Variants in METTL15 observed in about 807,000 individuals in gnomAD.
The protein encoded by METTL15 is methyltransferase 15, mitochondrial 12S rRNA N4-cytidine.
In METTL15, 34 loss-of-function variants were observed where a neutral mutation model predicts 38.3. That is an observed-to-expected ratio of 0.89 (90% CI 0.68 to 1.18). The LOEUF is 1.18. Ranked by LOEUF, METTL15 falls within the 50% of genes most tolerant of loss-of-function variation. The probability of loss-of-function intolerance (pLI) is 0.00; values close to 1 mark genes in which losing one functional copy is unlikely to be tolerated. For synonymous variants in METTL15, 162 were observed against 170.9 expected (o/e 0.95, Z 0.41); for missense variants, 438 against 498.4 (o/e 0.88, Z 1.15).
intron 3 of METTL15, among the ~76,000 whole-genome samples, chr11:28,201,943 G>A (rs1852131990): frequency 6.6e-6 from 1 of 152,102 alleles, no homozygotes; most frequent in Non-Finnish European, 1.5e-5. Context: ...TCATTTTTGA[G>A]AGTAGTGGGA....
At chr11:28,237,485 T>C (rs1042735368) in intron 4 of METTL15, among the ~76,000 whole-genome samples, 1 of 152,212 alleles carries the variant, frequency 6.6e-6, no homozygotes, top group Non-Finnish European at 1.5e-5. Context: ...GTATTGGTTA[T>C]TCTAGTTATA....
At chr11:28,238,974 A>G (rs755608332) in intron 4 of METTL15, among the ~76,000 whole-genome samples, 1 of 150,978 alleles carries the variant, frequency 6.6e-6, no homozygotes, top group Non-Finnish European at 1.5e-5. Flanking sequence ...TTTTTTTCCT[A>G]TCTGTACTGT....
intron 6 of METTL15, among the ~76,000 whole-genome samples, chr11:28,439,111 G>A (rs1448513453): frequency 6.6e-6 from 1 of 151,910 alleles, no homozygotes; most frequent in Non-Finnish European, 1.5e-5. Context: ...CCCTTTGCTA[G>A]GGATCTCTGG....
intron 4 of METTL15, among the ~76,000 whole-genome samples, chr11:28,243,005 A>G (rs1054660574): frequency 2.6e-5 from 4 of 151,980 alleles, no homozygotes; most frequent in African/African-American, 9.7e-5. Context: ...AACTGACCCT[A>G]TGTATTTTTA....
At chr11:28,294,104 T>C (rs986263496) in intron 5 of METTL15, among the ~76,000 whole-genome samples, 8 of 151,860 alleles carry the variant, frequency 5.3e-5, no homozygotes, top group Non-Finnish European at 8.8e-5. Context: ...TGAATAGGAG[T>C]GGTGAGAGAG....
chr11:28,381,963 A>G (rs1358498791), intron 5 of METTL15, among the ~76,000 whole-genome samples: 1 of 151,406 alleles, frequency 6.6e-6, no homozygotes, highest in Non-Finnish European at 1.5e-5. Context: ...TTGGAGGATT[A>G]GTTATTTATC....
intron 5 of METTL15, among the ~76,000 whole-genome samples, chr11:28,368,766 A>G (rs962478508): frequency 1.3e-5 from 2 of 152,308 alleles, no homozygotes; most frequent in South Asian, 4.1e-4. Context: ...ATGTCCATCA[A>G]TAATAGACTG....
intron 3 of METTL15, among the ~76,000 whole-genome samples, chr11:28,156,846 C>T (rs967202617): frequency 6.6e-6 from 1 of 152,046 alleles, no homozygotes; most frequent in Non-Finnish European, 1.5e-5. Context: ...TGGATCCACC[C>T]AGGAGATAAT....
intron 4 of METTL15, among the ~76,000 whole-genome samples, chr11:28,224,268 T>C (rs139726021): frequency 5.3e-5 from 8 of 152,046 alleles, no homozygotes; most frequent in African/African-American, 1.7e-4. Context: ...TGTTAGAATA[T>C]CATGGCAAAG....
At chr11:28,220,248 T>C (rs1238197304) in intron 4 of METTL15, among the ~76,000 whole-genome samples, 1 of 152,208 alleles carries the variant, frequency 6.6e-6, no homozygotes, top group Non-Finnish European at 1.5e-5. Context: ...GGTGCTCCTG[T>C]ATTGGGTGCA....
chr11:28,284,926 A>G (rs1214580476), intron 4 of METTL15, among the ~76,000 whole-genome samples: 2 of 152,104 alleles, frequency 1.3e-5, no homozygotes, highest in Non-Finnish European at 2.9e-5. Context: ...CTCAAATTGT[A>G]ATCTCCATAA....
In METTL15 at chr11:28,237,990, G is replaced by A. The variant is rs553207076; in HGVS notation, c.407+26792G>A. On this transcript the variant is annotated intron_variant, in intron 4 of 6. Transcript: ENST00000407364. ...TTTTTTCTCAGAGGAGTACCCGGCC[G>A]TATGAGGTGTCAGTCTGCCCCTGCT... is the stretch of plus-strand genomic sequence containing the variant. 5.0e-4 allele frequency among the ~76,000 whole-genome samples: 76 copies of A among 152,244 alleles called. No homozygotes were observed. In the Middle Eastern group the frequency reaches 0.01, roughly 20 times the overall value.
At chr11:28,518,086 G>C (rs150048964) in intron 6 of METTL15, among the ~76,000 whole-genome samples, 1 of 152,108 alleles carries the variant, frequency 6.6e-6, no homozygotes, top group Non-Finnish European at 1.5e-5. Flanking sequence ...AGTAGGTGGG[G>C]AGCTGACTTG....
chr11:28,287,914 C>T (rs1256962984), intron 4 of METTL15, among the ~76,000 whole-genome samples: 1 of 149,964 alleles, frequency 6.7e-6, no homozygotes, highest in African/African-American at 2.5e-5. Flanking sequence ...TCTCACAGCC[C>T]CTGGTTTTGC....
intron 6 of METTL15, among the ~76,000 whole-genome samples, chr11:28,490,854 A>G (rs1851488746): frequency 6.6e-6 from 1 of 152,184 alleles, no homozygotes; most frequent in Non-Finnish European, 1.5e-5. Context: ...CATTTTTGTC[A>G]AAAGGTTTGG....
intron 5 of METTL15, among the ~76,000 whole-genome samples, chr11:28,380,108 G>T (rs1850365378): frequency 6.6e-6 from 1 of 150,922 alleles, no homozygotes; most frequent in Non-Finnish European, 1.5e-5. Flanking sequence ...TAAGTGAAAT[G>T]AGTTTCTTCT....
intron 5 of METTL15, among the ~76,000 whole-genome samples, chr11:28,376,618 G>C (rs1380637146): frequency 6.6e-6 from 1 of 152,064 alleles, no homozygotes; most frequent in South Asian, 2.1e-4. Context: ...TATCCAATTT[G>C]CCAGTCTGTG....
At chr11:28,248,306 C>T (rs1854596882) in intron 4 of METTL15, among the ~76,000 whole-genome samples, 1 of 152,114 alleles carries the variant, frequency 6.6e-6, no homozygotes, top group African/African-American at 2.4e-5. Context: ...ATTTCCCCTA[C>T]TTGCATTTCT....
intron 4 of METTL15, among the ~76,000 whole-genome samples, chr11:28,224,312 C>T (rs1486983722): frequency 1.3e-5 from 2 of 151,796 alleles, no homozygotes; most frequent in Non-Finnish European, 1.5e-5. Flanking sequence ...GTATTAAATG[C>T]ATAACTGCAT....
Sources: gnomAD v4.1 joint callset for allele counts (sites outside exome capture counted in the v4.1 genomes callset) on GRCh38, gnomAD v4.1.1 for gene constraint, MANE v1.5 for transcripts, NCBI Gene and HGNC (gene_info 2026-07-23, HGNC 2026-07-21) for gene names.